TXLNB: variants seen among roughly 807,000 people sequenced by gnomAD.
TXLNB encodes the protein taxilin beta, also known as beta-taxilin.
TXLNB carries 37 observed loss-of-function variants against 57.4 expected under a neutral mutation model. The observed-to-expected ratio is 0.64, with a 90% CI of 0.50 to 0.85. The LOEUF (loss-of-function observed/expected upper bound fraction) is 0.85, where lower values mean the gene tolerates loss of function less well. Among genes scored for constraint, TXLNB ranks in the 40% least tolerant of loss-of-function variants. The pLI is 0.00. For missense variants in TXLNB, 848 were observed against 825.6 expected, an observed-to-expected ratio of 1.03 and a Z score of -0.33; for synonymous variants, 302 against 309.6, an observed-to-expected ratio of 0.98 and a Z score of 0.26.
At chr6:139,213,818 T>C in the TXLNB span, among the ~76,000 whole-genome samples, 1 of 152,206 alleles carries the variant, frequency 6.6e-6, no homozygotes, top group South Asian at 2.1e-4. Flanking sequence ...CCCACAAAAA[T>C]ACAAACTACC....
chr6:139,264,021 A>G (rs1463754754), intron 4 of TXLNB, among the ~76,000 whole-genome samples: 2 of 152,198 alleles, frequency 1.3e-5, no homozygotes, highest in African/African-American at 2.4e-5. Flanking sequence ...TCTTTCCTCT[A>G]TAATAACAAC....
At chr6:139,296,426 G>A (rs936688606), upstream of TXLNB, among the ~76,000 whole-genome samples, 1 of 152,068 alleles carries the variant, frequency 6.6e-6, no homozygotes, top group Non-Finnish European at 1.5e-5. Flanking sequence ...CTTTGGATAT[G>A]ATCCATTTTT....
the TXLNB span, among the ~76,000 whole-genome samples, chr6:139,212,121 C>G: frequency 6.6e-6 from 1 of 152,124 alleles, no homozygotes; most frequent in Non-Finnish European, 1.5e-5. Flanking sequence ...TCAGGAAATA[C>G]AGAGAACACC....
At chr6:139,286,128 C>A (rs1294876565) in intron 2 of TXLNB, among the ~76,000 whole-genome samples, 2 of 151,978 alleles carry the variant, frequency 1.3e-5, no homozygotes, top group African/African-American at 4.8e-5. Context: ...ACACTATTAC[C>A]AATAACAAAA....
intron 7 of TXLNB, among the ~76,000 whole-genome samples, chr6:139,252,907 C>T (rs1026748858): frequency 3.9e-5 from 6 of 152,162 alleles, no homozygotes; most frequent in South Asian, 2.1e-4. Context: ...AGGAGAATGG[C>T]GTGAACCCCG....
At chr6:139,273,157 G>A (rs1776809386) in intron 3 of TXLNB, among the ~76,000 whole-genome samples, 1 of 152,240 alleles carries the variant, frequency 6.6e-6, no homozygotes, top group African/African-American at 2.4e-5. Context: ...CCCAGCACAA[G>A]TAACATACTG....
In TXLNB at chr6:139,242,780, G is replaced by C. The variant is rs1471179163; in HGVS notation, c.1801C>G (p.Gln601Glu). The change falls in exon 10 of 10, where the codon CAG becomes GAG. Residue 601 changes from glutamine (Q) to glutamate (E), a missense_variant. Transcript: ENST00000358430. ...TCTGCCTCTGGCTTCCAGGACGCCT[G>C]ATCAGCCTGTGCTCCAACAGGGAGA... is the stretch of plus-strand genomic sequence containing the variant. ...EGLPVGAQAD[Q>E]ASWKPEAEAS... 1.5e-5 allele frequency: 25 copies of C among 1,614,030 alleles called. No homozygotes were observed. The highest frequency in any genetic ancestry group is 1.9e-5 in the Non-Finnish European group (23 of 1,180,014).
intron 6 of TXLNB, among the ~76,000 whole-genome samples, chr6:139,257,770 A>T (rs1198787778): frequency 6.6e-6 from 1 of 152,242 alleles, no homozygotes; most frequent in Non-Finnish European, 1.5e-5. Flanking sequence ...CAGAACCAAA[A>T]AAACTAACAA....
At chr6:139,295,758 C>A (rs1443360046), upstream of TXLNB, among the ~76,000 whole-genome samples, 4 of 152,108 alleles carry the variant, frequency 2.6e-5, no homozygotes, top group Admixed American at 2.6e-4. Context: ...ATGTTTAATT[C>A]ATATCCTATA....
At position 139,280,283 on chromosome 6, in the gene TXLNB, A is replaced by G. The variant is rs184150287; in HGVS notation, c.425-3362T>C. Among the ~76,000 whole-genome samples the G allele has an allele frequency of 1.8e-3, 274 of 151,642 alleles. 3 individuals are homozygous for G. In the East Asian group the frequency reaches 0.033, roughly 18 times the overall value. ...AAAAAAAAAAAAAAAAAAGAAAGAA[A>G]GAAAGAAACAAAAAACCTGAAATTA... is the stretch of plus-strand genomic sequence containing the variant. On this transcript the variant is annotated intron_variant, in intron 2 of 9. Transcript: ENST00000358430.
At chr6:139,252,876 G>A (rs748986662) in intron 7 of TXLNB, among the ~76,000 whole-genome samples, 18 of 152,092 alleles carry the variant, frequency 1.2e-4, no homozygotes, top group East Asian at 5.8e-4. Flanking sequence ...CTGTAGTCCC[G>A]GCTACTCGGG....
At chr6:139,229,139 A>G in the TXLNB span, among the ~76,000 whole-genome samples, 1 of 152,156 alleles carries the variant, frequency 6.6e-6, no homozygotes, top group African/African-American at 2.4e-5. Context: ...AAGATAATCA[A>G]TACTTCCAAA....
the TXLNB span, among the ~76,000 whole-genome samples, chr6:139,218,062 T>C: frequency 2.0e-5 from 3 of 152,132 alleles, no homozygotes; most frequent in African/African-American, 7.2e-5. Context: ...GGATGGCAGC[T>C]GTACACGGTG....
Position 139,243,050 on chromosome 6 carries a change from G to A in TXLNB, c.1531C>T (p.His511Tyr). Residue 511 changes from histidine to tyrosine, a missense_variant, in exon 10 of 10, where the codon CAT becomes TAT. Transcript: ENST00000358430. ...KNLATAFMIIHHPESTPHQSK... is the reference protein window; with the variant it reads ...KNLATAFMIIYHPESTPHQSK... ...TGGTGCGGGGTTGACTCTGGATGAT[G>A]AATTATCATGAAGGCTGTGGCCAGA... is the stretch of plus-strand genomic sequence containing the variant. The A allele has an allele frequency of 1.2e-6, 2 of 1,614,150 alleles. No individual in the cohort carries two copies. The highest frequency in any genetic ancestry group is 1.7e-6 in the Non-Finnish European group (2 of 1,180,030).
chr6:139,284,477 G>A (rs575187483), intron 2 of TXLNB, among the ~76,000 whole-genome samples: 4 of 145,184 alleles, frequency 2.8e-5, no homozygotes, highest in African/African-American at 5.1e-5. Flanking sequence ...GTAGTGAGCC[G>A]AAATCGCGCC....
the TXLNB span, among the ~76,000 whole-genome samples, chr6:139,164,629 T>C: frequency 6.6e-6 from 1 of 152,064 alleles, no homozygotes; most frequent in Non-Finnish European, 1.5e-5. Flanking sequence ...AAGAACTGCA[T>C]GGTATAAAAT....
chr6:139,244,195 G>A (rs186636081), intron 9 of TXLNB, among the ~76,000 whole-genome samples: 2 of 152,286 alleles, frequency 1.3e-5, no homozygotes, highest in Admixed American at 1.3e-4. Flanking sequence ...GGACTCTTGG[G>A]CTGGTGTCTT....
intron 4 of TXLNB, among the ~76,000 whole-genome samples, chr6:139,264,271 A>G (rs752634842): frequency 1.3e-5 from 2 of 152,228 alleles, no homozygotes; most frequent in Non-Finnish European, 2.9e-5. Flanking sequence ...TGTGATTATG[A>G]TTGTTTCCTC....
chr6:139,179,678 G>C, the TXLNB span: 5 of 152,156 alleles, frequency 3.3e-5, no homozygotes, highest in East Asian at 9.6e-4. Context: ...ACACCATGAA[G>C]ATAAATCTTA....
Sources: allele counts gnomAD v4.1 joint callset (sites outside exome capture counted in the v4.1 genomes callset), GRCh38; gene constraint gnomAD v4.1.1; transcripts MANE v1.5; gene names NCBI Gene and HGNC (gene_info 2026-07-23, HGNC 2026-07-21).